MS4A4A: variants seen among roughly 807,000 people sequenced by gnomAD.
MS4A4A encodes the protein membrane-spanning 4-domains subfamily A member 4A.
A neutral mutation model predicts 28.0 loss-of-function variants in MS4A4A; 26 were observed. That is an observed-to-expected ratio of 0.93 (90% CI 0.68 to 1.29). MS4A4A has a LOEUF of 1.29. Among genes scored for constraint, MS4A4A ranks in the 50% most tolerant of loss-of-function variants. MS4A4A has a pLI of 0.00. For synonymous variants in MS4A4A, 86 were observed against 100.8 expected, an observed-to-expected ratio of 0.85 and a Z score of 0.88; for missense variants, 290 against 293.1, an observed-to-expected ratio of 0.99 and a Z score of 0.08.
intron 1 of MS4A4A, among the ~76,000 whole-genome samples, chr11:60,287,627 A>AT (rs1358568771): frequency 6.6e-6 from 1 of 152,142 alleles, no homozygotes; most frequent in Non-Finnish European, 1.5e-5. Flanking sequence ...TAGCCTCAAA[A>AT]TTTTTACCCA....
chr11:60,292,420 G>A (rs2084865906), intron 2 of MS4A4A, 36 bp downstream of exon 2: 3 of 1,540,638 alleles, frequency 1.9e-6, no homozygotes, highest in Admixed American at 2.0e-5. Context: ...CAATGGTGTT[G>A]CAAACTCATA....
intron 1 of MS4A4A, 123 bp downstream of exon 1, chr11:60,280,839 T>C: frequency 8.5e-7 from 1 of 1,172,832 alleles, no homozygotes. Flanking sequence ...CCCAAGCTGG[T>C]ATTCAGGGTT....
At chr11:60,300,615 CAAAAAAAA>C (rs760648433) in intron 3 of MS4A4A, among the ~76,000 whole-genome samples, 388 of 35,994 alleles carry the variant, frequency 0.011, 1 homozygote, top group African/African-American at 0.038. Context: ...GACTCCGTCT[CAAAAAAAA>C]AAAAAAAAAA....
intron 1 of MS4A4A, among the ~76,000 whole-genome samples, chr11:60,284,643 C>G (rs938811332): frequency 1.1e-4 from 16 of 152,174 alleles, no homozygotes; most frequent in Non-Finnish European, 2.4e-4. Context: ...AGAGGCGGGC[C>G]TAGAGGCTCT....
chr11:60,292,608 G>A (rs935862893), intron 2 of MS4A4A, among the ~76,000 whole-genome samples: 1 of 152,140 alleles, frequency 6.6e-6, no homozygotes, highest in Non-Finnish European at 1.5e-5. Flanking sequence ...ATCTATTCTA[G>A]GGTTGTGGGT....
intron 1 of MS4A4A, among the ~76,000 whole-genome samples, chr11:60,285,043 G>A (rs944500430): frequency 6.6e-6 from 1 of 152,018 alleles, no homozygotes; most frequent in African/African-American, 2.4e-5. Flanking sequence ...AAAAAGTAAG[G>A]TGTTACAGGA....
chr11:60,303,465 T>C (rs1461896440), intron 5 of MS4A4A, among the ~76,000 whole-genome samples: 1 of 152,140 alleles, frequency 6.6e-6, no homozygotes, highest in Non-Finnish European at 1.5e-5. Flanking sequence ...CCCAGCACTT[T>C]GGGAAGATGA....
rs1330830031 is a variant in MS4A4A at position 60,308,511 on chromosome 11, T to G, written c.*333T>G. ...AGAACTTTATATAAAGGCATTACATTGGCAAATAAGGTTTGGAAGCAGAAG... is the reference window on the plus strand; with the variant it reads ...AGAACTTTATATAAAGGCATTACATGGGCAAATAAGGTTTGGAAGCAGAAG... On this transcript the variant is annotated 3_prime_UTR_variant, in exon 7 of 7. Transcript: ENST00000337908. 4.4e-6 allele frequency: 1 copy of G among 227,208 alleles called. No homozygotes were observed. The highest frequency in any genetic ancestry group is 2.3e-5 in the African/African-American group (1 of 44,170). The allele number at this position is 227,208 out of a possible 1,614,324, so 14.1% of individuals were successfully genotyped here.
At chr11:60,291,115 T>G (rs1243421686) in intron 1 of MS4A4A, among the ~76,000 whole-genome samples, 3 of 152,216 alleles carry the variant, frequency 2.0e-5, no homozygotes, top group Non-Finnish European at 4.4e-5. Context: ...CCATGTGACT[T>G]TAGCCTATCT....
At chr11:60,294,724 T>A (rs528732683) in intron 2 of MS4A4A, among the ~76,000 whole-genome samples, 255 of 152,226 alleles carry the variant, frequency 1.7e-3, no homozygotes, top group African/African-American at 5.8e-3. Context: ...ATTGTATTAC[T>A]TTAGCTCATT....
intron 2 of MS4A4A, among the ~76,000 whole-genome samples, chr11:60,293,049 G>GTTTA (rs2084871897): frequency 6.6e-6 from 1 of 152,004 alleles, no homozygotes. Context: ...AGGTTTGTTT[G>GTTTA]TTTATTTATT....
chr11:60,290,769 CT>C (rs1403926451), intron 1 of MS4A4A, among the ~76,000 whole-genome samples: 3 of 152,050 alleles, frequency 2.0e-5, no homozygotes, highest in African/African-American at 7.2e-5. Context: ...ATTCACCCCC[CT>C]TCTTCTGACT....
At chr11:60,307,025 G>A (rs1243150336) in intron 6 of MS4A4A, among the ~76,000 whole-genome samples, 2 of 152,172 alleles carry the variant, frequency 1.3e-5, no homozygotes, top group African/African-American at 2.4e-5. Flanking sequence ...AAGAGACCAA[G>A]AAAGAAGCTC....
intron 3 of MS4A4A, among the ~76,000 whole-genome samples, chr11:60,299,400 G>A (rs1167912508): frequency 2.7e-5 from 4 of 147,424 alleles, no homozygotes; most frequent in African/African-American, 7.5e-5. Context: ...ACATAATAAA[G>A]ACTTTTAGAC....
At chr11:60,289,424 G>C (rs1056867895) in intron 1 of MS4A4A, among the ~76,000 whole-genome samples, 4 of 152,200 alleles carry the variant, frequency 2.6e-5, no homozygotes. Flanking sequence ...GGGGGAAGGG[G>C]TGGTGGAAGA....
intron 2 of MS4A4A, among the ~76,000 whole-genome samples, chr11:60,295,694 T>C (rs1256459186): frequency 6.6e-6 from 1 of 152,122 alleles, no homozygotes; most frequent in Admixed American, 6.5e-5. Flanking sequence ...GTTTTTATAA[T>C]AAACAGGCAT....
At chr11:60,281,606 C>G (rs1480663133) in intron 1 of MS4A4A, among the ~76,000 whole-genome samples, 9 of 152,118 alleles carry the variant, frequency 5.9e-5, no homozygotes, top group Non-Finnish European at 1.3e-4. Context: ...GTCTATTTGA[C>G]AACTTTGCCA....
At chr11:60,300,511 G>A (rs2084942337) in intron 3 of MS4A4A, among the ~76,000 whole-genome samples, 1 of 151,202 alleles carries the variant, frequency 6.6e-6, no homozygotes, top group African/African-American at 2.4e-5. Flanking sequence ...AGCTACTCGG[G>A]AGGCTGAGGC....
At chr11:60,298,270 T>C (rs2084923116) in intron 3 of MS4A4A, among the ~76,000 whole-genome samples, 1 of 152,152 alleles carries the variant, frequency 6.6e-6, no homozygotes, top group Non-Finnish European at 1.5e-5. Flanking sequence ...AGGGTTTCCA[T>C]TTATTTCTAA....
Sources: gnomAD v4.1 joint callset for allele counts (sites outside exome capture counted in the v4.1 genomes callset) on GRCh38, gnomAD v4.1.1 for gene constraint, MANE v1.5 for transcripts, NCBI Gene and HGNC (gene_info 2026-07-23, HGNC 2026-07-21) for gene names.